Variants in ZFPM2 observed in about 807,000 individuals in gnomAD.
ZFPM2 encodes the protein zinc finger protein ZFPM2.
In ZFPM2, 20 loss-of-function variants were observed where a neutral mutation model predicts 98.6. The observed-to-expected ratio is 0.20, with a 90% CI of 0.14 to 0.29. ZFPM2 has a LOEUF of 0.29. Among genes scored for constraint, ZFPM2 ranks in the 10% least tolerant of loss-of-function variants. The probability of loss-of-function intolerance (pLI) is 1.00; values close to 1 mark genes in which losing one functional copy is unlikely to be tolerated. For missense variants in ZFPM2, 1,310 were observed against 1,388.6 expected, an observed-to-expected ratio of 0.94 and a Z score of 0.90; for synonymous variants, 518 against 502.7, an observed-to-expected ratio of 1.03 and a Z score of -0.41.
intron 5 of ZFPM2, among the ~76,000 whole-genome samples, chr8:105,762,978 A>G (rs932595197): frequency 1.3e-5 from 2 of 151,686 alleles, no homozygotes; most frequent in Non-Finnish European, 2.9e-5. Context: ...GATGAGAATT[A>G]TATGTAAGAA....
chr8:105,509,904 A>G (rs553887743), intron 3 of ZFPM2, among the ~76,000 whole-genome samples: 6 of 152,342 alleles, frequency 3.9e-5, no homozygotes, highest in Non-Finnish European at 8.8e-5. Flanking sequence ...CAGATAGGAC[A>G]TATTTAAAAT....
intron 1 of ZFPM2, among the ~76,000 whole-genome samples, chr8:105,337,820 G>A (rs1302688225): frequency 6.6e-6 from 1 of 151,110 alleles, no homozygotes; most frequent in Non-Finnish European, 1.5e-5. Context: ...TTATAAGACT[G>A]CAAATTTTGT....
At position 105,801,440 on chromosome 8, in the gene ZFPM2, G is replaced by C; in HGVS notation, c.1358G>C (p.Arg453Thr). 2 of 1,613,848 alleles carry C rather than the reference G, an allele frequency of 1.2e-6. No individual in the cohort carries two copies. The change falls in exon 8 of 8, where the codon AGA (arginine) becomes ACA (threonine). Residue 453 changes from arginine to threonine, a missense_variant. Physicochemically the swap from Arg to Thr is moderately conservative, Grantham distance 71. Coordinates refer to ENST00000407775, the MANE Select transcript of ZFPM2 (RefSeq NM_012082.4). The part of the protein sequence containing the change: ...KKTQLFLTNQ[R>T]PEIQPTTNKQ... Reference sequence around the variant, plus strand: ...ACTCAGCTCTTTCTCACGAACCAGAGACCAGAGATACAGCCTACAACAAAT... The same window carrying C: ...ACTCAGCTCTTTCTCACGAACCAGACACCAGAGATACAGCCTACAACAAAT...
chr8:105,546,568 CAA>C (rs376278402), intron 3 of ZFPM2, among the ~76,000 whole-genome samples: 10 of 84,506 alleles, frequency 1.2e-4, no homozygotes, highest in African/African-American at 1.6e-4. Flanking sequence ...AGCTCAGTCT[CAA>C]AAAAAAAAAA....
chr8:105,525,208 A>G (rs1382748642), intron 3 of ZFPM2, among the ~76,000 whole-genome samples: 1 of 152,174 alleles, frequency 6.6e-6, no homozygotes, highest in South Asian at 2.1e-4. Context: ...CTTTGGGAGC[A>G]CATCTACTAC....
chr8:105,496,673 G>GT (rs35067278), intron 3 of ZFPM2, among the ~76,000 whole-genome samples: 151 of 128,358 alleles, frequency 1.2e-3, no homozygotes, highest in African/African-American at 1.3e-3. Flanking sequence ...TGTTTTTTTG[G>GT]TTTTTTTTTT....
At chr8:105,414,708 A>G (rs1323602462) in intron 1 of ZFPM2, among the ~76,000 whole-genome samples, 1 of 151,630 alleles carries the variant, frequency 6.6e-6, no homozygotes, top group African/African-American at 2.4e-5. Context: ...TGTAGCAATA[A>G]TTTTCTTATA....
At chr8:105,423,397 T>C (rs1451159086) in intron 2 of ZFPM2, among the ~76,000 whole-genome samples, 5 of 152,218 alleles carry the variant, frequency 3.3e-5, no homozygotes, top group Admixed American at 2.0e-4. Flanking sequence ...AAAGATGCTA[T>C]TTGAAATTTA....
At chr8:105,527,226 A>T (rs1218262611) in intron 3 of ZFPM2, among the ~76,000 whole-genome samples, 1 of 152,160 alleles carries the variant, frequency 6.6e-6, no homozygotes, top group Admixed American at 6.5e-5. Flanking sequence ...TTTTGAAAGT[A>T]TATTCTCCAC....
intron 1 of ZFPM2, among the ~76,000 whole-genome samples, chr8:105,350,927 A>G (rs1418304355): frequency 6.6e-6 from 1 of 152,042 alleles, no homozygotes; most frequent in Non-Finnish European, 1.5e-5. Flanking sequence ...TCACGCCTGT[A>G]ATCCTAGCAA....
intron 5 of ZFPM2, among the ~76,000 whole-genome samples, chr8:105,759,455 T>C (rs756226280): frequency 3.3e-5 from 5 of 151,986 alleles, no homozygotes; most frequent in Admixed American, 2.0e-4. Flanking sequence ...CCAGCTCAAA[T>C]CCCATCTCTT....
At position 105,753,205 on chromosome 8, in the gene ZFPM2, GC is replaced by G. The variant is rs1812516732; in HGVS notation, c.533-35512del. 2.0e-5 allele frequency among the ~76,000 whole-genome samples: 3 copies of G among 152,110 alleles called. 1 individual carries two copies. In the South Asian group the frequency reaches 6.2e-4, roughly 32 times the overall value. ...TGACTTTTTTGTTACATAATGATATGCTGGGAATTTATATCCTAGGTTCCAG... is the reference window on the plus strand; with the variant it reads ...TGACTTTTTTGTTACATAATGATATGTGGGAATTTATATCCTAGGTTCCAG... On this transcript the variant is annotated intron_variant, in intron 5 of 7. Transcript: ENST00000407775.
chr8:105,724,771 T>C lies in ZFPM2; in HGVS notation c.533-63947T>C, dbSNP rs1211864380. Among the ~76,000 whole-genome samples, 15 of 151,830 alleles carry C rather than the reference T, an allele frequency of 9.9e-5. 1 individual carries two copies. Among genetic ancestry groups the C allele is most frequent in the Admixed American group, 9.2e-4 (14 of 15,200 alleles). ...ATAAATTTTAACTTTTTGTAGTAGA[T>C]TTATATATATTTTATGGTAGTGAAT... is the stretch of plus-strand genomic sequence containing the variant. On this transcript the variant is annotated intron_variant, in intron 5 of 7. Coordinates refer to ENST00000407775, the MANE Select transcript of ZFPM2 (RefSeq NM_012082.4).
chr8:105,541,080 C>T (rs1256198025), intron 3 of ZFPM2, among the ~76,000 whole-genome samples: 1 of 152,068 alleles, frequency 6.6e-6, no homozygotes, highest in Non-Finnish European at 1.5e-5. Context: ...TCCCATGTCT[C>T]AAAATTAGGC....
At chr8:105,320,222 A>G (rs1811996901) in intron 1 of ZFPM2, among the ~76,000 whole-genome samples, 1 of 151,698 alleles carries the variant, frequency 6.6e-6, no homozygotes, top group Admixed American at 6.6e-5. Context: ...GGGCCAGGTT[A>G]TAAACAGTTA....
intron 3 of ZFPM2, among the ~76,000 whole-genome samples, chr8:105,476,100 AACT>A (rs1370882253): frequency 1.3e-5 from 2 of 152,212 alleles, no homozygotes; most frequent in African/African-American, 4.8e-5. Context: ...TAATGCCACG[AACT>A]ACTATTTGGT....
At chr8:105,471,699 A>G (rs1476523348) in intron 3 of ZFPM2, among the ~76,000 whole-genome samples, 1 of 152,222 alleles carries the variant, frequency 6.6e-6, no homozygotes, top group Non-Finnish European at 1.5e-5. Flanking sequence ...CCAAATCCAA[A>G]TAGAAACTTG....
intron 5 of ZFPM2, among the ~76,000 whole-genome samples, chr8:105,724,894 A>T (rs1205062846): frequency 6.6e-6 from 1 of 151,622 alleles, no homozygotes; most frequent in Non-Finnish European, 1.5e-5. Flanking sequence ...AGTTTTTTCA[A>T]ATTGTCACAA....
chr8:105,517,606 T>C (rs1286045265), intron 3 of ZFPM2, among the ~76,000 whole-genome samples: 2 of 151,728 alleles, frequency 1.3e-5, no homozygotes, highest in African/African-American at 2.4e-5. Context: ...TCCCAGCACT[T>C]TGGGAGACCA....
Sources: gnomAD v4.1 joint callset for allele counts (sites outside exome capture counted in the v4.1 genomes callset) on GRCh38, gnomAD v4.1.1 for gene constraint, MANE v1.5 for transcripts, NCBI Gene and HGNC (gene_info 2026-07-23, HGNC 2026-07-21) for gene names.